The following AKAP6 variants were observed in gnomAD, a reference collection of about 807,000 sequenced individuals.
The protein encoded by AKAP6 is A-kinase anchor protein 6.
AKAP6 carries 58 observed loss-of-function variants against 188.5 expected under a neutral mutation model. The observed-to-expected ratio is 0.31, with a 90% CI of 0.25 to 0.38. AKAP6 has a LOEUF of 0.38. AKAP6 is among the 10% of genes least tolerant of loss of function. AKAP6 has a pLI of 1.00. For synonymous variants in AKAP6, 989 were observed against 998.6 expected, an observed-to-expected ratio of 0.99 and a Z score of 0.18; for missense variants, 2,710 against 2,740.0, an observed-to-expected ratio of 0.99 and a Z score of 0.24.
At chr14:32,488,411 C>T (rs960373480) in intron 2 of AKAP6, among the ~76,000 whole-genome samples, 3 of 152,158 alleles carry the variant, frequency 2.0e-5, no homozygotes, top group African/African-American at 7.2e-5. Context: ...AGGTGGATTT[C>T]AGACTGCTGT....
intron 11 of AKAP6, among the ~76,000 whole-genome samples, chr14:32,767,169 C>A (rs1053784361): frequency 5.3e-5 from 8 of 152,160 alleles, no homozygotes; most frequent in South Asian, 2.1e-4. Flanking sequence ...TAAAAGAAGT[C>A]TTTTATGGCA....
chr14:32,808,601 C>A (rs1327159973), intron 12 of AKAP6, among the ~76,000 whole-genome samples: 1 of 152,148 alleles, frequency 6.6e-6, no homozygotes, highest in Non-Finnish European at 1.5e-5. Context: ...CTTTTTGCTC[C>A]TTTCTTTTCT....
intron 1 of AKAP6, among the ~76,000 whole-genome samples, chr14:32,377,781 C>T (rs750366712): frequency 6.6e-5 from 10 of 152,112 alleles, no homozygotes; most frequent in Non-Finnish European, 1.5e-4. Flanking sequence ...TGTTTAAGAG[C>T]CCCTGAGTAA....
intron 12 of AKAP6, among the ~76,000 whole-genome samples, chr14:32,805,301 T>G (rs2034060518): frequency 6.6e-6 from 1 of 152,200 alleles, no homozygotes; most frequent in Non-Finnish European, 1.5e-5. Flanking sequence ...TCTCATATAT[T>G]CATGGTTTTG....
intron 2 of AKAP6, chr14:32,473,947 G>C (rs1367865669): frequency 6.6e-6 from 1 of 152,462 alleles, no homozygotes; most frequent in Non-Finnish European, 1.5e-5. Context: ...ACCCAGGCTG[G>C]AGTGCGGTGG....
chr14:32,501,589 A>C (rs1040265256), intron 2 of AKAP6, among the ~76,000 whole-genome samples: 2 of 152,162 alleles, frequency 1.3e-5, no homozygotes, highest in Non-Finnish European at 2.9e-5. Context: ...GGAAAAAAAA[A>C]TAGGTTTGGC....
intron 12 of AKAP6, among the ~76,000 whole-genome samples, chr14:32,793,266 T>G (rs1285560541): frequency 1.3e-5 from 2 of 152,068 alleles, no homozygotes; most frequent in African/African-American, 4.8e-5. Flanking sequence ...CAGTATGCTG[T>G]CTTCAAGAGA....
chr14:32,439,319 A>T lies in AKAP6; in HGVS notation c.324+5502A>T, dbSNP rs146511522. On this transcript the variant is annotated intron_variant, in intron 2 of 13. Coordinates refer to ENST00000280979, the MANE Select transcript of AKAP6 (RefSeq NM_004274.5). ...GACCTTATGGACAGAAGATGTTGGA[A>T]GTCCAAGGATAATGGGGCTCCTAGG... Among the ~76,000 whole-genome samples, 9 of 152,332 alleles carry T rather than the reference A, an allele frequency of 5.9e-5. No individual in the cohort carries two copies. In the East Asian group the frequency reaches 1.7e-3, roughly 29 times the overall value.
intron 12 of AKAP6, among the ~76,000 whole-genome samples, chr14:32,799,620 G>C (rs147551037): frequency 6.6e-6 from 1 of 151,974 alleles, no homozygotes; most frequent in East Asian, 1.9e-4. Flanking sequence ...GAAATTTTCA[G>C]CTACTTTTCT....
chr14:32,699,353 T>C (rs1010119623), intron 9 of AKAP6, among the ~76,000 whole-genome samples: 10 of 152,306 alleles, frequency 6.6e-5, no homozygotes, highest in Non-Finnish European at 5.9e-5. Flanking sequence ...ACAAGGAATT[T>C]ATAAAGACAA....
intron 11 of AKAP6, among the ~76,000 whole-genome samples, chr14:32,741,418 G>A (rs865781504): frequency 6.6e-6 from 1 of 151,966 alleles, no homozygotes; most frequent in African/African-American, 2.4e-5. Flanking sequence ...CAGTGAAAGT[G>A]GACATTCTTG....
intron 1 of AKAP6, among the ~76,000 whole-genome samples, chr14:32,392,337 A>G (rs140401239): frequency 2.6e-4 from 39 of 152,322 alleles, no homozygotes; most frequent in African/African-American, 8.2e-4. Context: ...GAAAGTACAA[A>G]TAAGGGAAGA....
chr14:32,541,600 G>A (rs759492291), intron 3 of AKAP6, among the ~76,000 whole-genome samples: 13 of 151,736 alleles, frequency 8.6e-5, no homozygotes, highest in Non-Finnish European at 1.8e-4. Context: ...TAAGCACTGC[G>A]GTGCAGTAAC....
intron 12 of AKAP6, among the ~76,000 whole-genome samples, chr14:32,814,925 A>G (rs1350004185): frequency 6.6e-6 from 1 of 152,106 alleles, no homozygotes; most frequent in African/African-American, 2.4e-5. Flanking sequence ...AAGCTGCTTC[A>G]TGCCAGGCAC....
At chr14:32,537,854 C>T (rs1318929011) in intron 3 of AKAP6, among the ~76,000 whole-genome samples, 6 of 152,114 alleles carry the variant, frequency 3.9e-5, no homozygotes, top group Non-Finnish European at 7.4e-5. Flanking sequence ...TGATGAAGAG[C>T]CATGGACGGT....
At chr14:32,603,983 G>A (rs1296288318) in intron 7 of AKAP6, among the ~76,000 whole-genome samples, 4 of 151,960 alleles carry the variant, frequency 2.6e-5, no homozygotes, top group East Asian at 1.9e-4. Context: ...AGGTGACGTT[G>A]GGCTAAGGGA....
At chr14:32,651,961 C>G (rs1422060837) in intron 7 of AKAP6, among the ~76,000 whole-genome samples, 1 of 151,918 alleles carries the variant, frequency 6.6e-6, no homozygotes, top group African/African-American at 2.4e-5. Flanking sequence ...GATTCTAGAC[C>G]ATCTGTTCTT....
intron 2 of AKAP6, among the ~76,000 whole-genome samples, chr14:32,525,364 T>A (rs1354196313): frequency 1.3e-5 from 2 of 152,162 alleles, no homozygotes; most frequent in Non-Finnish European, 2.9e-5. Flanking sequence ...ATGCAAAAAA[T>A]TTTCAAAGCA....
chr14:32,560,274 A>G (rs1381699991), intron 4 of AKAP6, among the ~76,000 whole-genome samples: 1 of 152,186 alleles, frequency 6.6e-6, no homozygotes, highest in Non-Finnish European at 1.5e-5. Flanking sequence ...CTGTATATTA[A>G]CATTGCTAAT....
Sources: allele counts gnomAD v4.1 joint callset (sites outside exome capture counted in the v4.1 genomes callset), GRCh38; gene constraint gnomAD v4.1.1; transcripts MANE v1.5; gene names NCBI Gene and HGNC (gene_info 2026-07-23, HGNC 2026-07-21).